Variants in GPC6 observed in about 807,000 individuals in gnomAD.
GPC6 encodes glypican 6.
A neutral mutation model predicts 55.2 loss-of-function variants in GPC6; 14 were observed. That is an observed-to-expected ratio of 0.25 (90% CI 0.17 to 0.40). The LOEUF (loss-of-function observed/expected upper bound fraction) is 0.40. GPC6 is among the 10% of genes least tolerant of loss of function. The probability of loss-of-function intolerance (pLI) is 1.00; values close to 1 mark genes in which losing one functional copy is unlikely to be tolerated. For missense variants in GPC6, 641 were observed against 708.5 expected, an observed-to-expected ratio of 0.90 and a Z score of 1.08; for synonymous variants, 278 against 259.6, an observed-to-expected ratio of 1.07 and a Z score of -0.68.
chr13:94,337,438 AT>A (rs201881758), intron 6 of GPC6, among the ~76,000 whole-genome samples: 5 of 146,046 alleles, frequency 3.4e-5, no homozygotes, highest in South Asian at 4.4e-4. Context: ...CATGATATAC[AT>A]TTTTTTTCTT....
intron 2 of GPC6, among the ~76,000 whole-genome samples, chr13:93,701,205 G>A (rs1195436226): frequency 6.6e-6 from 1 of 152,080 alleles, no homozygotes; most frequent in Admixed American, 6.6e-5. Context: ...AAAAACCAAA[G>A]AGAAGAGTTG....
chr13:93,231,380 C>CATATATATATATGTATATATATATAT (rs1876029833), intron 1 of GPC6, among the ~76,000 whole-genome samples: 1 of 30,940 alleles, frequency 3.2e-5, no homozygotes, highest in Non-Finnish European at 6.0e-5. Context: ...TATATATATA[C>CATATATATATATGTATATATATATAT]ATATATATAT....
rs181858297 is a variant in GPC6 at position 93,584,344 on chromosome 13, G to T, written c.319+38923G>T. On this transcript the variant is annotated intron_variant, in intron 2 of 8. Coordinates refer to ENST00000377047, the MANE Select transcript of GPC6 (RefSeq NM_005708.5). The stretch of plus-strand genomic sequence containing the variant: ...GTCTTCATCAGGTATCTTTGGGGGG[G>T]TCCCAGAGACCATTTTCAGGGTCTT... Among the ~76,000 whole-genome samples the T allele has an allele frequency of 2.0e-3, 304 of 152,242 alleles. 3 individuals carry two copies. The highest frequency in any genetic ancestry group is 6.9e-3 in the African/African-American group (286 of 41,536).
chr13:93,413,074 AAAG>A (rs1876571798), intron 1 of GPC6, among the ~76,000 whole-genome samples: 1 of 152,208 alleles, frequency 6.6e-6, no homozygotes, highest in African/African-American at 2.4e-5. Context: ...AAGACAGAGA[AAAG>A]AAAATGTGAT....
At chr13:93,831,826 C>T (rs1214661993) in intron 3 of GPC6, among the ~76,000 whole-genome samples, 1 of 151,210 alleles carries the variant, frequency 6.6e-6, no homozygotes, top group Non-Finnish European at 1.5e-5. Flanking sequence ...CGCGGTGGCT[C>T]ACATCTGTAA....
At chr13:93,936,524 T>A (rs1878442686) in intron 3 of GPC6, among the ~76,000 whole-genome samples, 1 of 152,182 alleles carries the variant, frequency 6.6e-6, no homozygotes, top group Non-Finnish European at 1.5e-5. Flanking sequence ...ATCATTTGTG[T>A]GATAAATAAG....
intron 2 of GPC6, among the ~76,000 whole-genome samples, chr13:93,657,236 T>A (rs1053352584): frequency 6.6e-6 from 1 of 152,080 alleles, no homozygotes; most frequent in Non-Finnish European, 1.5e-5. Flanking sequence ...AGCATGGTAC[T>A]GGTTCAAAAA....
chr13:93,345,373 T>A (rs921157598), intron 1 of GPC6, among the ~76,000 whole-genome samples: 3 of 152,132 alleles, frequency 2.0e-5, no homozygotes, highest in African/African-American at 7.2e-5. Flanking sequence ...TTTTTGTTGT[T>A]GATGATATCA....
chr13:94,371,980 A>C (rs191464688), intron 6 of GPC6, among the ~76,000 whole-genome samples: 6 of 152,224 alleles, frequency 3.9e-5, no homozygotes, highest in Admixed American at 3.9e-4. Flanking sequence ...AAATTATCAA[A>C]GTTCTTACTT....
chr13:93,519,377 G>A (rs1881322277), intron 1 of GPC6, among the ~76,000 whole-genome samples: 1 of 151,960 alleles, frequency 6.6e-6, no homozygotes, highest in Non-Finnish European at 1.5e-5. Flanking sequence ...TTCCGTAAAA[G>A]TGGGGCAATT....
chr13:93,609,254 G>T lies in GPC6; in HGVS notation c.319+63833G>T, dbSNP rs867129587. 2.6e-5 allele frequency among the ~76,000 whole-genome samples: 4 copies of T among 152,052 alleles called. No individual in the cohort carries two copies. The East Asian group carries it at 7.8e-4, about 30-fold the overall frequency. Reference sequence around the variant, plus strand: ...TGTTGAGATAGAGTCTTGTTCTGTCGCACAGGCTGGAGTGCAATGGTGCAA... The same window carrying T: ...TGTTGAGATAGAGTCTTGTTCTGTCTCACAGGCTGGAGTGCAATGGTGCAA... On this transcript the variant is annotated intron_variant, in intron 2 of 8. Coordinates refer to ENST00000377047, the MANE Select transcript of GPC6 (RefSeq NM_005708.5).
At chr13:93,797,914 A>G (rs1476826053) in intron 2 of GPC6, among the ~76,000 whole-genome samples, 1 of 152,148 alleles carries the variant, frequency 6.6e-6, no homozygotes, top group Non-Finnish European at 1.5e-5. Context: ...GTTAGTTTGC[A>G]CAAGAGTTGG....
intron 3 of GPC6, among the ~76,000 whole-genome samples, chr13:93,879,744 C>T (rs1469197899): frequency 6.6e-6 from 1 of 151,978 alleles, no homozygotes; most frequent in African/African-American, 2.4e-5. Flanking sequence ...AGCTTCTGCA[C>T]AGCAAAAGAA....
intron 2 of GPC6, among the ~76,000 whole-genome samples, chr13:93,816,823 A>G (rs1886869671): frequency 6.6e-6 from 1 of 152,108 alleles, no homozygotes; most frequent in African/African-American, 2.4e-5. Flanking sequence ...TATTTACAAA[A>G]CTGAGATTGT....
chr13:94,315,029 A>G (rs1202983798), intron 6 of GPC6, among the ~76,000 whole-genome samples: 1 of 152,224 alleles, frequency 6.6e-6, no homozygotes, highest in Non-Finnish European at 1.5e-5. Context: ...GCAATACACA[A>G]TAACTTTATT....
chr13:93,374,393 G>T (rs895018413), intron 1 of GPC6, among the ~76,000 whole-genome samples: 1 of 152,136 alleles, frequency 6.6e-6, no homozygotes, highest in East Asian at 1.9e-4. Flanking sequence ...AAGTTGATGA[G>T]TGGCAAGGTG....
intron 4 of GPC6, among the ~76,000 whole-genome samples, chr13:94,060,044 G>C (rs1338435020): frequency 6.6e-6 from 1 of 151,628 alleles, no homozygotes; most frequent in Admixed American, 6.6e-5. Context: ...TCCTCTCTTT[G>C]GTTTTCAAAT....
intron 1 of GPC6, among the ~76,000 whole-genome samples, chr13:93,534,399 T>C (rs184694741): frequency 6.6e-6 from 1 of 152,098 alleles, no homozygotes; most frequent in Non-Finnish European, 1.5e-5. Flanking sequence ...TTCATTTCTG[T>C]TGTTTGTCTG....
chr13:94,132,359 C>G (rs927396451), intron 4 of GPC6, among the ~76,000 whole-genome samples: 1 of 152,110 alleles, frequency 6.6e-6, no homozygotes, highest in Non-Finnish European at 1.5e-5. Context: ...AATGCACATG[C>G]CTTCCTCAGA....
Sources: gnomAD v4.1 joint callset for allele counts (sites outside exome capture counted in the v4.1 genomes callset) on GRCh38, gnomAD v4.1.1 for gene constraint, MANE v1.5 for transcripts, NCBI Gene and HGNC (gene_info 2026-07-23, HGNC 2026-07-21) for gene names.